Variants in FAM13A observed in about 807,000 individuals in gnomAD.
FAM13A encodes the protein family with sequence similarity 13 member A.
A neutral mutation model predicts 129.6 loss-of-function variants in FAM13A; 76 were observed. That is an observed-to-expected ratio of 0.59 (90% CI 0.49 to 0.71). The LOEUF (loss-of-function observed/expected upper bound fraction) is 0.71, where lower values mean the gene tolerates loss of function less well. FAM13A is among the 30% of genes least tolerant of loss of function. The probability of loss-of-function intolerance (pLI) is 0.00; values close to 1 mark genes in which losing one functional copy is unlikely to be tolerated. For synonymous variants in FAM13A, 443 were observed against 449.9 expected (o/e 0.98, Z 0.20); for missense variants, 1,108 against 1,249.3 (o/e 0.89, Z 1.70).
At position 88,749,967 on chromosome 4, in the gene FAM13A, G is replaced by GT; in HGVS notation, c.1941-59_1941-58insA. 2.5e-6 allele frequency: 4 copies of GT among 1,589,278 alleles called. No individual in the cohort carries two copies. The South Asian group carries it at 4.5e-5, about 18-fold the overall frequency. On this transcript the variant is annotated intron_variant, in intron 15 of 23. Coordinates refer to ENST00000264344, the MANE Select transcript of FAM13A (RefSeq NM_014883.4). The stretch of plus-strand genomic sequence containing the variant: ...AGGAGCAGTCACTGCTTGCCTAGAG[G>GT]GGCCCTGGGGAAGTGGGACACCATG...
At chr4:88,752,815 G>A (rs1742900627) in intron 14 of FAM13A, among the ~76,000 whole-genome samples, 1 of 152,212 alleles carries the variant, frequency 6.6e-6, no homozygotes, top group South Asian at 2.1e-4. Context: ...AAACTGACCA[G>A]CTTGCATCTT....
At chr4:88,744,336 A>G (rs1740848470) in intron 19 of FAM13A, among the ~76,000 whole-genome samples, 1 of 152,206 alleles carries the variant, frequency 6.6e-6, no homozygotes, top group South Asian at 2.1e-4. Context: ...TGATGAGAAG[A>G]TTCTTAAACA....
At chr4:88,806,468 G>A (rs1728582259) in intron 7 of FAM13A, among the ~76,000 whole-genome samples, 1 of 152,132 alleles carries the variant, frequency 6.6e-6, no homozygotes, top group African/African-American at 2.4e-5. Context: ...TCTTATTACA[G>A]AGTTATACTG....
intron 6 of FAM13A, chr4:88,855,797 C>T (rs1444193518): frequency 1.3e-5 from 2 of 151,826 alleles, no homozygotes; most frequent in Non-Finnish European, 2.9e-5. Context: ...AATATCATGC[C>T]TCAATCTTAA....
At chr4:88,905,232 A>C (rs1747958134) in intron 6 of FAM13A, among the ~76,000 whole-genome samples, 1 of 152,060 alleles carries the variant, frequency 6.6e-6, no homozygotes, top group South Asian at 2.1e-4. Context: ...CTGAGGTTCA[A>C]GCAATTCTTT....
intron 4 of FAM13A, among the ~76,000 whole-genome samples, chr4:88,960,736 T>C (rs921206607): frequency 1.3e-5 from 2 of 152,214 alleles, no homozygotes; most frequent in African/African-American, 4.8e-5. Flanking sequence ...GTGACAGGCA[T>C]TGTCTTTTGC....
At chr4:88,943,847 G>A (rs59489826) in intron 4 of FAM13A, among the ~76,000 whole-genome samples, 18,437 of 152,164 alleles carry the variant, frequency 0.12, 1,407 homozygotes, top group Non-Finnish European at 0.16. Context: ...TAAAAAATTT[G>A]AAATATTGCT....
intron 7 of FAM13A, among the ~76,000 whole-genome samples, chr4:88,843,324 C>T (rs968849985): frequency 2.0e-5 from 3 of 152,168 alleles, no homozygotes; most frequent in African/African-American, 2.4e-5. Flanking sequence ...TAGCTGCCCC[C>T]GCAGTCGGCT....
chr4:88,878,221 G>A (rs894874382), intron 6 of FAM13A, among the ~76,000 whole-genome samples: 4 of 147,886 alleles, frequency 2.7e-5, no homozygotes, highest in Admixed American at 1.4e-4. Flanking sequence ...CCGGGAGGCG[G>A]AGCTTGCAGT....
intron 7 of FAM13A, among the ~76,000 whole-genome samples, chr4:88,825,959 A>C (rs1578839954): frequency 6.6e-6 from 1 of 151,962 alleles, no homozygotes; most frequent in African/African-American, 2.4e-5. Flanking sequence ...TTGTTTCTGA[A>C]TTTGTACCTG....
chr4:88,952,605 T>C (rs1757111994), intron 4 of FAM13A, among the ~76,000 whole-genome samples: 2 of 152,172 alleles, frequency 1.3e-5, no homozygotes, highest in Non-Finnish European at 2.9e-5. Context: ...GTACATGTAG[T>C]TCATTCTAAA....
At chr4:88,745,324 T>G (rs1023211569) in intron 19 of FAM13A, among the ~76,000 whole-genome samples, 15 of 152,202 alleles carry the variant, frequency 9.9e-5, no homozygotes, top group African/African-American at 3.6e-4. Context: ...AATCTGGGTC[T>G]GCCAATTCTA....
intron 5 of FAM13A, among the ~76,000 whole-genome samples, chr4:88,928,733 C>A (rs1752595618): frequency 6.6e-6 from 1 of 151,894 alleles, no homozygotes; most frequent in South Asian, 2.1e-4. Context: ...ATAGTTGGAT[C>A]ATGCTTCTTT....
chr4:88,789,991 G>C (rs1724798018), intron 9 of FAM13A, among the ~76,000 whole-genome samples: 1 of 152,158 alleles, frequency 6.6e-6, no homozygotes, highest in South Asian at 2.1e-4. Context: ...CTAAGTGTCA[G>C]TGGAAGACTT....
rs1317203389 is a variant in FAM13A at position 88,740,316 on chromosome 4, G to A, written c.2467-1191C>T. Among the ~76,000 whole-genome samples, 4 of 152,184 alleles carry A rather than the reference G, an allele frequency of 2.6e-5. No homozygotes were observed. In the East Asian group the frequency reaches 7.7e-4, roughly 29 times the overall value. ...AAATGCTTTTACACTTTACTGTAGC[G>A]ATATGTTGACACGTGTCTCCTCCTT... On this transcript the variant is annotated intron_variant, in intron 19 of 23. Coordinates refer to ENST00000264344, the MANE Select transcript of FAM13A (RefSeq NM_014883.4).
At chr4:88,779,045 T>C (rs1473649511) in intron 11 of FAM13A, among the ~76,000 whole-genome samples, 1 of 152,222 alleles carries the variant, frequency 6.6e-6, no homozygotes, top group East Asian at 1.9e-4. Flanking sequence ...ATTCCCTGCA[T>C]ATTTTTTTTC....
chr4:88,832,326 G>T (rs1417402708), intron 7 of FAM13A, among the ~76,000 whole-genome samples: 1 of 152,106 alleles, frequency 6.6e-6, no homozygotes. Flanking sequence ...CATAGGCATG[G>T]GCGAAGATTT....
intron 2 of FAM13A, among the ~76,000 whole-genome samples, chr4:89,028,115 A>G (rs1768209286): frequency 6.6e-6 from 1 of 150,824 alleles, no homozygotes; most frequent in Non-Finnish European, 1.5e-5. Context: ...CTGAGGCAGG[A>G]GAATTGCTTG....
intron 6 of FAM13A, among the ~76,000 whole-genome samples, chr4:88,861,044 G>C (rs1431037245): frequency 2.6e-5 from 4 of 152,166 alleles, no homozygotes; most frequent in Admixed American, 2.6e-4. Context: ...ATGATGTGGA[G>C]TAAGTCCCTT....
Sources: allele counts gnomAD v4.1 joint callset (sites outside exome capture counted in the v4.1 genomes callset), GRCh38; gene constraint gnomAD v4.1.1; transcripts MANE v1.5; gene names NCBI Gene and HGNC (gene_info 2026-07-23, HGNC 2026-07-21).